The following DOCK3 variants were observed in gnomAD, a reference collection of about 807,000 sequenced individuals.
The protein encoded by DOCK3 is dedicator of cytokinesis 3.
Under a neutral mutation model 265.6 loss-of-function variants are expected in DOCK3, and 60 were observed. That is an observed-to-expected ratio of 0.23 (90% CI 0.18 to 0.28). The LOEUF (loss-of-function observed/expected upper bound fraction) is 0.28, where lower values mean the gene tolerates loss of function less well. Ranked by LOEUF, DOCK3 falls within the 10% of genes least tolerant of loss-of-function variation. The probability of loss-of-function intolerance (pLI) is 1.00; values close to 1 mark genes in which losing one functional copy is unlikely to be tolerated. For missense variants in DOCK3, 1,981 were observed against 2,594.3 expected (o/e 0.76, Z 5.14); for synonymous variants, 881 against 938.0 (o/e 0.94, Z 1.11).
chr3:50,781,171 G>A (rs1175173973), intron 2 of DOCK3, among the ~76,000 whole-genome samples: 2 of 150,580 alleles, frequency 1.3e-5, no homozygotes, highest in Non-Finnish European at 2.9e-5. Context: ...AAATCCCAGT[G>A]GCTCCACAAA....
rs1186942447 is a variant in DOCK3 at position 51,159,252 on chromosome 3, C to G, written c.837C>G (p.Ser279Arg). 6.2e-7 allele frequency: 1 copy of G among 1,613,358 alleles called. No homozygotes were observed. The highest frequency in any genetic ancestry group is 2.2e-5 in the East Asian group (1 of 44,872). Residue 279 changes from serine to arginine, a missense_variant, in exon 11 of 53, where the codon AGC becomes AGG. This residue lies in a region of DOCK3 where 456 missense variants were observed against 539.0 expected (regional missense o/e 0.85). Coordinates refer to ENST00000266037, the MANE Select transcript of DOCK3 (RefSeq NM_004947.5). Reference sequence around the variant, plus strand: ...CTTATTTTTTCTCTTAGGATCTGAGCAGCAAAGATATGAAGAGAGATTTGT... The same window carrying G: ...CTTATTTTTTCTCTTAGGATCTGAGGAGCAAAGATATGAAGAGAGATTTGT... ...ERMCALFTDL[S>R]SKDMKRDLYI...
intron 46 of DOCK3, 104 bp downstream of exon 46, chr3:51,358,181 A>G: frequency 1.7e-6 from 2 of 1,202,174 alleles, no homozygotes; most frequent in Non-Finnish European, 2.4e-6. Flanking sequence ...GAGCCTGGGC[A>G]GGGGCCGGGG....
chr3:51,347,566 G>A (rs1035069993), intron 38 of DOCK3, among the ~76,000 whole-genome samples: 36 of 152,174 alleles, frequency 2.4e-4, no homozygotes, highest in South Asian at 2.1e-4. Flanking sequence ...TTGAAGTCAG[G>A]TAGCGTGATG....
At chr3:51,189,915 T>G (rs185809960) in intron 12 of DOCK3, among the ~76,000 whole-genome samples, 4 of 152,274 alleles carry the variant, frequency 2.6e-5, no homozygotes, top group Admixed American at 2.0e-4. Context: ...AGAAAGGCTT[T>G]CAATAGGTCC....
chr3:50,981,553 T>G (rs1211457388), intron 5 of DOCK3, among the ~76,000 whole-genome samples: 1 of 152,228 alleles, frequency 6.6e-6, no homozygotes, highest in Non-Finnish European at 1.5e-5. Flanking sequence ...GTTGTAGTCC[T>G]TAACTATGTT....
intron 1 of DOCK3, among the ~76,000 whole-genome samples, chr3:50,710,561 G>T (rs1447558530): frequency 1.3e-5 from 2 of 152,152 alleles, no homozygotes; most frequent in Non-Finnish European, 2.9e-5. Flanking sequence ...ATTGGTGGTG[G>T]GAATGTAAAC....
intron 9 of DOCK3, among the ~76,000 whole-genome samples, chr3:51,143,321 G>A (rs1260602569): frequency 2.0e-5 from 3 of 150,842 alleles, no homozygotes; most frequent in Non-Finnish European, 4.4e-5. Context: ...CCAGGCTGGA[G>A]TGCAGTGGGG....
chr3:51,293,908 C>A (rs2081928238), intron 27 of DOCK3, among the ~76,000 whole-genome samples: 2 of 152,166 alleles, frequency 1.3e-5, no homozygotes, highest in Non-Finnish European at 2.9e-5. Flanking sequence ...GATATCACGT[C>A]ACATTTGTTA....
intron 9 of DOCK3, among the ~76,000 whole-genome samples, chr3:51,118,103 A>T (rs1041880573): frequency 3.3e-5 from 5 of 152,190 alleles, no homozygotes; most frequent in African/African-American, 1.2e-4. Flanking sequence ...TTAGTGCTAT[A>T]AATTTCTCTC....
intron 32 of DOCK3, among the ~76,000 whole-genome samples, chr3:51,324,577 A>G (rs1475599591): frequency 6.6e-6 from 1 of 152,220 alleles, no homozygotes; most frequent in Non-Finnish European, 1.5e-5. Flanking sequence ...TTTAAATTTC[A>G]TATGGAACCA....
intron 3 of DOCK3, among the ~76,000 whole-genome samples, chr3:50,856,530 G>T (rs539282954): frequency 6.6e-6 from 1 of 151,922 alleles, no homozygotes; most frequent in East Asian, 1.9e-4. Context: ...CTTTTTAATG[G>T]GGTTATTTGT....
At chr3:50,793,366 T>C (rs1243542724) in intron 2 of DOCK3, among the ~76,000 whole-genome samples, 1 of 149,978 alleles carries the variant, frequency 6.7e-6, no homozygotes, top group East Asian at 1.9e-4. Context: ...TTCTTTTTTT[T>C]TTTTTTTTTG....
intron 4 of DOCK3, among the ~76,000 whole-genome samples, chr3:50,915,758 C>T (rs954921334): frequency 1.3e-4 from 20 of 151,958 alleles, no homozygotes; most frequent in Admixed American, 1.2e-3. Context: ...GGCCAAGGCA[C>T]TATTTTGTTT....
intron 14 of DOCK3, among the ~76,000 whole-genome samples, chr3:51,217,168 T>G (rs146780072): frequency 1.4e-5 from 2 of 145,024 alleles, no homozygotes; most frequent in East Asian, 2.0e-4. Context: ...TTTTTTTTGG[T>G]CAGGATGGCC....
At chr3:50,804,076 C>T (rs1330840546) in intron 2 of DOCK3, among the ~76,000 whole-genome samples, 1 of 150,472 alleles carries the variant, frequency 6.6e-6, no homozygotes, top group Non-Finnish European at 1.5e-5. Flanking sequence ...CGCGGCCGGG[C>T]AGAGGCGCTC....
intron 28 of DOCK3, among the ~76,000 whole-genome samples, chr3:51,311,552 C>T (rs2083067121): frequency 1.3e-5 from 2 of 152,152 alleles, no homozygotes; most frequent in Non-Finnish European, 2.9e-5. Context: ...ACTATATAAA[C>T]CCCTGTTATC....
chr3:51,178,867 A>G (rs1030308925), intron 12 of DOCK3, among the ~76,000 whole-genome samples: 1 of 152,264 alleles, frequency 6.6e-6, no homozygotes, highest in Admixed American at 6.5e-5. Context: ...AGTTGATGTA[A>G]CAGATAATAA....
intron 28 of DOCK3, 111 bp downstream of exon 28, chr3:51,310,437 A>G: frequency 1.0e-6 from 1 of 982,260 alleles, no homozygotes; most frequent in Non-Finnish European, 1.5e-6. Context: ...GGCCAGGGCC[A>G]TGGGAACAGA....
chr3:51,078,538 A>G (rs902899548), intron 7 of DOCK3, among the ~76,000 whole-genome samples: 1 of 152,240 alleles, frequency 6.6e-6, no homozygotes, highest in Non-Finnish European at 1.5e-5. Context: ...AAAACTTCCA[A>G]AGAACAAAAT....
Sources: allele counts gnomAD v4.1 joint callset (sites outside exome capture counted in the v4.1 genomes callset), GRCh38; gene constraint gnomAD v4.1.1; regional missense constraint gnomAD v4.1.1; transcripts MANE v1.5; gene names NCBI Gene and HGNC (gene_info 2026-07-23, HGNC 2026-07-21).